CEP170: variants seen among roughly 807,000 people sequenced by gnomAD.
CEP170 encodes the protein centrosomal protein 170.
A neutral mutation model predicts 151.9 loss-of-function variants in CEP170; 21 were observed. That is an observed-to-expected ratio of 0.14 (90% CI 0.10 to 0.20). The LOEUF is 0.20. CEP170 is among the 10% of genes least tolerant of loss of function. CEP170 has a pLI of 1.00. For missense variants in CEP170, 964 were observed against 1,892.9 expected (o/e 0.51, Z 9.11); for synonymous variants, 356 against 648.8 (o/e 0.55, Z 6.86).
intron 16 of CEP170, among the ~76,000 whole-genome samples, chr1:243,137,470 C>A (rs2055232951): frequency 6.6e-6 from 1 of 152,162 alleles, no homozygotes; most frequent in African/African-American, 2.4e-5. Context: ...AATTTTGGGA[C>A]TCAGTGCTGC....
intron 4 of CEP170, among the ~76,000 whole-genome samples, chr1:243,209,329 G>T (rs2061620275): frequency 6.6e-6 from 1 of 152,014 alleles, no homozygotes. Context: ...GGGATTACAT[G>T]TACCTGCCAC....
At chr1:243,241,777 G>A (rs1348384839) in intron 1 of CEP170, among the ~76,000 whole-genome samples, 6 of 147,898 alleles carry the variant, frequency 4.1e-5, no homozygotes, top group South Asian at 2.2e-4. Context: ...ACAACATAGT[G>A]AGACTCCCTC....
At chr1:243,154,017 A>C (rs1451957250) in intron 14 of CEP170, among the ~76,000 whole-genome samples, 1 of 152,262 alleles carries the variant, frequency 6.6e-6, no homozygotes, top group Admixed American at 6.5e-5. Context: ...GGATACCTGA[A>C]AGAAACCTTC....
intron 14 of CEP170, among the ~76,000 whole-genome samples, chr1:243,144,013 A>C (rs1374559463): frequency 6.6e-6 from 1 of 152,218 alleles, no homozygotes; most frequent in African/African-American, 2.4e-5. Flanking sequence ...CTTTGTAAAA[A>C]CGTCAGTTAA....
intron 13 of CEP170, among the ~76,000 whole-genome samples, chr1:243,159,467 C>T (rs1264315647): frequency 6.6e-6 from 1 of 152,206 alleles, no homozygotes; most frequent in Non-Finnish European, 1.5e-5. Context: ...CAAACTATAG[C>T]AGCTACCTAA....
chr1:243,147,752 A>G (rs2056662316), intron 14 of CEP170, among the ~76,000 whole-genome samples: 2 of 152,236 alleles, frequency 1.3e-5, no homozygotes, highest in African/African-American at 4.8e-5. Flanking sequence ...AATTAACTGT[A>G]GCTAGGTAAA....
chr1:243,150,519 A>G (rs1450303515), intron 14 of CEP170, among the ~76,000 whole-genome samples: 7 of 152,228 alleles, frequency 4.6e-5, no homozygotes, highest in Non-Finnish European at 1.0e-4. Flanking sequence ...TTTTACTAGG[A>G]GGACAAAAAA....
At chr1:243,138,051 A>C (rs2055346815) in intron 16 of CEP170, among the ~76,000 whole-genome samples, 1 of 151,990 alleles carries the variant, frequency 6.6e-6, no homozygotes. Context: ...AGGAGAGTCT[A>C]AGGAAACATT....
At chr1:243,193,806 A>C (rs1260064529) in intron 7 of CEP170, among the ~76,000 whole-genome samples, 5 of 151,908 alleles carry the variant, frequency 3.3e-5, no homozygotes, top group African/African-American at 1.2e-4. Flanking sequence ...ATCCCTAATC[A>C]GTCTGTAGTC....
At chr1:243,190,317 A>C (rs1317546348) in intron 8 of CEP170, among the ~76,000 whole-genome samples, 4 of 152,226 alleles carry the variant, frequency 2.6e-5, no homozygotes, top group Admixed American at 2.0e-4. Context: ...AATTGGCAAA[A>C]CCAATGAGAA....
intron 14 of CEP170, among the ~76,000 whole-genome samples, chr1:243,155,632 T>A (rs1572305230): frequency 1.3e-5 from 2 of 152,270 alleles, no homozygotes; most frequent in African/African-American, 4.8e-5. Context: ...TTCCATAAGT[T>A]ATTAATTAAA....
intron 1 of CEP170, among the ~76,000 whole-genome samples, chr1:243,237,689 G>T (rs971493218): frequency 6.6e-6 from 1 of 152,130 alleles, no homozygotes; most frequent in Admixed American, 6.5e-5. Flanking sequence ...ATCACCCTGA[G>T]GTCAGGAGTT....
intron 7 of CEP170, among the ~76,000 whole-genome samples, chr1:243,194,654 A>T (rs2060523923): frequency 6.6e-6 from 1 of 151,894 alleles, no homozygotes; most frequent in Non-Finnish European, 1.5e-5. Flanking sequence ...AGAAAACTAT[A>T]AGGGGTCTTC....
intron 14 of CEP170, among the ~76,000 whole-genome samples, chr1:243,155,406 A>T (rs1376595973): frequency 6.6e-6 from 1 of 152,148 alleles, no homozygotes. Context: ...TAAACTCTTT[A>T]ATAATGTCCT....
intron 19 of CEP170, among the ~76,000 whole-genome samples, chr1:243,127,888 A>G (rs1191313424): frequency 6.6e-6 from 1 of 152,286 alleles, no homozygotes; most frequent in East Asian, 1.9e-4. Flanking sequence ...TACACCACCA[A>G]CATAATTTAA....
chr1:243,186,958 A>AGG (rs1331556095), intron 8 of CEP170, among the ~76,000 whole-genome samples: 1 of 152,204 alleles, frequency 6.6e-6, no homozygotes, highest in Non-Finnish European at 1.5e-5. Context: ...CTTTTTATTA[A>AGG]AAAGATTCAA....
At chr1:243,186,874 T>A (rs567013520) in intron 8 of CEP170, among the ~76,000 whole-genome samples, 11 of 152,302 alleles carry the variant, frequency 7.2e-5, no homozygotes, top group Admixed American at 5.2e-4. Flanking sequence ...AATGAGAACA[T>A]AAGTATGGTA....
chr1:243,155,720 A>G (rs188773588), intron 14 of CEP170, among the ~76,000 whole-genome samples: 64 of 152,256 alleles, frequency 4.2e-4, no homozygotes, highest in African/African-American at 1.4e-3. Flanking sequence ...CAAAATAGTC[A>G]TATTTTGTTT....
At chr1:243,210,423 C>T (rs940769249) in intron 4 of CEP170, among the ~76,000 whole-genome samples, 8 of 151,856 alleles carry the variant, frequency 5.3e-5, no homozygotes, top group African/African-American at 1.9e-4. Context: ...GGCTTTAATG[C>T]TAATTCTTAA....
Sources: gnomAD v4.1 joint callset for allele counts (sites outside exome capture counted in the v4.1 genomes callset) on GRCh38, gnomAD v4.1.1 for gene constraint, MANE v1.5 for transcripts, NCBI Gene and HGNC (gene_info 2026-07-23, HGNC 2026-07-21) for gene names.